AMOTL1: variants seen among roughly 807,000 people sequenced by gnomAD.
The protein encoded by AMOTL1 is angiomotin-like protein 1.
AMOTL1 carries 45 observed loss-of-function variants against 102.9 expected under a neutral mutation model. That is an observed-to-expected ratio of 0.44 (90% CI 0.34 to 0.56). The LOEUF is 0.56. Ranked by LOEUF, AMOTL1 falls within the 20% of genes least tolerant of loss-of-function variation. The pLI, the probability that AMOTL1 is intolerant of heterozygous loss-of-function variation, is 0.01. For synonymous variants in AMOTL1, 481 were observed against 484.7 expected, an observed-to-expected ratio of 0.99 and a Z score of 0.10; for missense variants, 1,114 against 1,225.6, an observed-to-expected ratio of 0.91 and a Z score of 1.36.
intron 5 of AMOTL1, among the ~76,000 whole-genome samples, chr11:94,830,690 A>G (rs1231088865): frequency 6.6e-6 from 1 of 152,236 alleles, no homozygotes; most frequent in Non-Finnish European, 1.5e-5. Context: ...TAAGTAGACA[A>G]TAAACTCGCT....
intron 6 of AMOTL1, among the ~76,000 whole-genome samples, chr11:94,832,939 T>G (rs1952103073): frequency 6.6e-6 from 1 of 152,258 alleles, no homozygotes; most frequent in Non-Finnish European, 1.5e-5. Flanking sequence ...TGGGCATTGT[T>G]CTGGCCTCCC....
At chr11:94,773,170 T>C (rs1565346496) in intron 1 of AMOTL1, among the ~76,000 whole-genome samples, 1 of 152,240 alleles carries the variant, frequency 6.6e-6, no homozygotes, top group Non-Finnish European at 1.5e-5. Flanking sequence ...TAGCATGTCT[T>C]TTTATGTCCT....
intron 1 of AMOTL1, among the ~76,000 whole-genome samples, chr11:94,719,865 C>T (rs928295950): frequency 6.6e-6 from 1 of 152,116 alleles, no homozygotes; most frequent in African/African-American, 2.4e-5. Flanking sequence ...ACTGTGGCTC[C>T]ACATTAGAAT....
intron 1 of AMOTL1, among the ~76,000 whole-genome samples, chr11:94,724,730 G>C (rs1565327923): frequency 6.6e-6 from 1 of 152,078 alleles, no homozygotes; most frequent in African/African-American, 2.4e-5. Context: ...TAGTACCTAG[G>C]AGACACCAAG....
intron 2 of AMOTL1, chr11:94,796,979 A>C (rs1039132496): frequency 2.0e-6 from 2 of 985,422 alleles, no homozygotes; most frequent in Non-Finnish European, 1.2e-6. Flanking sequence ...GAGAAAAACG[A>C]GCGTGGCAGT....
chr11:94,771,259 T>TTTG (rs1555067542), intron 1 of AMOTL1, among the ~76,000 whole-genome samples: 1 of 96,880 alleles, frequency 1.0e-5, no homozygotes, highest in Admixed American at 1.2e-4. Context: ...TTGGCGGGGT[T>TTTG]GGGGGGGGGG....
intron 2 of AMOTL1, among the ~76,000 whole-genome samples, chr11:94,737,586 T>C (rs140268795): frequency 2.4e-4 from 37 of 152,340 alleles, no homozygotes; most frequent in Non-Finnish European, 4.4e-4. Context: ...CTAGCTAGTA[T>C]TGGAACAGGT....
chr11:94,843,368 G>C (rs948891581), intron 6 of AMOTL1, among the ~76,000 whole-genome samples: 36 of 152,024 alleles, frequency 2.4e-4, no homozygotes, highest in African/African-American at 8.7e-4. Flanking sequence ...CTCAAACTGG[G>C]GTGAGGATGT....
chr11:94,838,946 C>G (rs193094467), intron 6 of AMOTL1, among the ~76,000 whole-genome samples: 1 of 152,298 alleles, frequency 6.6e-6, no homozygotes, highest in African/African-American at 2.4e-5. Context: ...ATAGTGAAGT[C>G]TTAGGGGTGC....
At chr11:94,839,772 G>A (rs551296591) in intron 6 of AMOTL1, among the ~76,000 whole-genome samples, 5 of 152,150 alleles carry the variant, frequency 3.3e-5, no homozygotes, top group African/African-American at 9.7e-5. Flanking sequence ...GGGATTGACC[G>A]AGGATTTCAT....
At position 94,873,542 on chromosome 11, in the gene AMOTL1, C is replaced by T. The variant is rs76244730; in HGVS notation, c.*2747C>T. ...TGGTAAATACCTTTTAATTAGTCCT[C>T]CACCCACCTGGAGTACAGGGGGTGC... On this transcript the variant is annotated 3_prime_UTR_variant, in exon 13 of 13. Coordinates refer to ENST00000433060, the MANE Select transcript of AMOTL1 (RefSeq NM_130847.3). 0.056 allele frequency: 8,469 copies of T among 152,228 alleles called. 403 individuals carry two copies. Among genetic ancestry groups the T allele is most frequent in the African/African-American group, 0.12 (5,131 of 41,504 alleles). The allele number at this position is 152,228 out of a possible 1,614,324, so 9.4% of individuals were successfully genotyped here.
intron 5 of AMOTL1, 64 bp from the exon 6 acceptor site, chr11:94,831,388 C>A: frequency 1.5e-6 from 2 of 1,355,644 alleles, no homozygotes; most frequent in Non-Finnish European, 2.1e-6. Flanking sequence ...TATTTCATTT[C>A]TTGGTTAGAT....
intron 1 of AMOTL1, among the ~76,000 whole-genome samples, chr11:94,717,535 TCC>T (rs1950115341): frequency 6.6e-6 from 1 of 151,776 alleles, no homozygotes; most frequent in Admixed American, 6.6e-5. Context: ...AAAGCTGTAT[TCC>T]TGTCTCCAAA....
rs746530773 is a variant in AMOTL1, at chr11:94,821,607, G to T, written c.1199G>T (p.Gly400Val). Reference sequence around the variant, plus strand: ...TCCTCCCAGACCTCTTCCGCCAGCGGGCCACTGCACTCTGTCTCCCTGCCG... The same window carrying T: ...TCCTCCCAGACCTCTTCCGCCAGCGTGCCACTGCACTCTGTCTCCCTGCCG... The part of the protein sequence containing the change: ...PMSSQTSSAS[G>V]PLHSVSLPLP... Residue 400 changes from glycine (G) to valine (V), a missense_variant, in exon 4 of 13, where the codon GGG becomes GTG. Gly to Val is a moderately radical substitution (Grantham distance 109, BLOSUM62 -3). Coordinates refer to ENST00000433060, the MANE Select transcript of AMOTL1 (RefSeq NM_130847.3). 1.9e-6 allele frequency: 3 copies of T among 1,613,776 alleles called. No homozygotes were observed. The Admixed American group carries it at 5.0e-5, about 27-fold the overall frequency.
intron 1 of AMOTL1, among the ~76,000 whole-genome samples, chr11:94,771,097 A>G (rs1329449327): frequency 6.6e-6 from 1 of 152,242 alleles, no homozygotes; most frequent in African/African-American, 2.4e-5. Context: ...TGAAAAAAAT[A>G]ATTAATGACA....
rs1192232875 is a variant in AMOTL1 at position 94,870,814 on chromosome 11, T to G, written c.*19T>G. ...CATCTAACTGCCATCCCTGTGGAAT[T>G]TCAGTACAGAACACTGACAAACAAG... On this transcript the variant is annotated 3_prime_UTR_variant, in exon 13 of 13. Coordinates refer to ENST00000433060, the MANE Select transcript of AMOTL1 (RefSeq NM_130847.3). The G allele has an allele frequency of 6.4e-7, 1 of 1,568,336 alleles. No individual in the cohort carries two copies. Among genetic ancestry groups the G allele is most frequent in the African/African-American group, 1.4e-5 (1 of 74,028 alleles).
chr11:94,778,939 C>G (rs1951066691), intron 1 of AMOTL1, among the ~76,000 whole-genome samples: 1 of 152,076 alleles, frequency 6.6e-6, no homozygotes, highest in South Asian at 2.1e-4. Flanking sequence ...TGTGAGTATT[C>G]CCAGAAATTG....
intron 5 of AMOTL1, among the ~76,000 whole-genome samples, chr11:94,831,174 G>C (rs1952062233): frequency 6.6e-6 from 1 of 152,190 alleles, no homozygotes; most frequent in Non-Finnish European, 1.5e-5. Context: ...GCTGGCCTTG[G>C]AGGCAGTGAG....
chr11:94,814,677 G>A (rs1051157203), intron 3 of AMOTL1, among the ~76,000 whole-genome samples: 4 of 152,154 alleles, frequency 2.6e-5, no homozygotes, highest in African/African-American at 9.7e-5. Flanking sequence ...GGAAAAGAGA[G>A]GATGGGAGCC....
Sources: gnomAD v4.1 joint callset for allele counts (sites outside exome capture counted in the v4.1 genomes callset) on GRCh38, gnomAD v4.1.1 for gene constraint, MANE v1.5 for transcripts, NCBI Gene and HGNC (gene_info 2026-07-23, HGNC 2026-07-21) for gene names.